The following QTMAN variants were observed in gnomAD, a reference collection of about 807,000 sequenced individuals.
The protein encoded by QTMAN is queuosine-tRNA mannosyltransferase, also known as tRNA-queuosine alpha-mannosyltransferase.
chr2:144,311,330 A>T, the QTMAN span, among the ~76,000 whole-genome samples: 2 of 152,250 alleles, frequency 1.3e-5, no homozygotes, highest in Non-Finnish European at 2.9e-5. Context: ...GTTTTAAATC[A>T]GGGAAAGTAA....
the QTMAN span, among the ~76,000 whole-genome samples, chr2:144,182,808 A>ATATTATATGTATAAT: frequency 1.9e-5 from 1 of 52,528 alleles, no homozygotes; most frequent in African/African-American, 8.0e-5. Context: ...TTATATATAT[A>ATATTATATGTATAAT]ATATATATAT....
chr2:144,301,921 T>C, the QTMAN span, among the ~76,000 whole-genome samples: 1 of 152,176 alleles, frequency 6.6e-6, no homozygotes, highest in African/African-American at 2.4e-5. Context: ...GCAGTAGGTA[T>C]AAATAAGTGG....
the QTMAN span, among the ~76,000 whole-genome samples, chr2:144,162,481 G>A: frequency 3.6e-4 from 55 of 152,196 alleles, no homozygotes; most frequent in Admixed American, 3.0e-3. Context: ...ATTATGCAGC[G>A]GACAGAACTG....
At chr2:144,166,178 C>T in the QTMAN span, among the ~76,000 whole-genome samples, 1 of 152,176 alleles carries the variant, frequency 6.6e-6, no homozygotes, top group Non-Finnish European at 1.5e-5. Flanking sequence ...ATATGGTATA[C>T]ACACCAGGTT....
chr2:144,327,928 G>A, the QTMAN span, among the ~76,000 whole-genome samples: 1 of 152,040 alleles, frequency 6.6e-6, no homozygotes, highest in African/African-American at 2.4e-5. Context: ...AGAAAAGACT[G>A]TGGAATTGCT....
the QTMAN span, among the ~76,000 whole-genome samples, chr2:144,055,338 C>CACAG: frequency 1.4e-5 from 2 of 146,676 alleles, no homozygotes; most frequent in Non-Finnish European, 3.0e-5. Context: ...CACACAGACA[C>CACAG]ACACACACAC....
At chr2:144,328,387 T>C in the QTMAN span, among the ~76,000 whole-genome samples, 2 of 152,248 alleles carry the variant, frequency 1.3e-5, no homozygotes, top group African/African-American at 4.8e-5. Context: ...CTATAACTAT[T>C]TTGAAATATT....
At chr2:144,287,688 C>T in the QTMAN span, among the ~76,000 whole-genome samples, 1 of 152,084 alleles carries the variant, frequency 6.6e-6, no homozygotes, top group South Asian at 2.1e-4. Context: ...TATTCAGGGT[C>T]ACACAGGATA....
the QTMAN span, among the ~76,000 whole-genome samples, chr2:144,280,886 T>C: frequency 6.6e-6 from 1 of 152,016 alleles, no homozygotes; most frequent in Admixed American, 6.6e-5. Context: ...ATGAAATTCA[T>C]GCCTATCAGA....
the QTMAN span, among the ~76,000 whole-genome samples, chr2:144,306,797 T>C: frequency 1.4e-4 from 22 of 152,140 alleles, no homozygotes; most frequent in African/African-American, 4.6e-4. Context: ...GAGTTTATCA[T>C]AAAAATGCAA....
the QTMAN span, among the ~76,000 whole-genome samples, chr2:144,091,672 C>CA: frequency 6.6e-6 from 1 of 152,082 alleles, no homozygotes; most frequent in South Asian, 2.1e-4. Context: ...CCCGCTATTC[C>CA]ACTCCTAGGT....
At chr2:144,113,931 TGGAGTAGTA>T in the QTMAN span, among the ~76,000 whole-genome samples, 2 of 152,190 alleles carry the variant, frequency 1.3e-5, no homozygotes, top group Non-Finnish European at 2.9e-5. Flanking sequence ...AACATCAATG[TGGAGTAGTA>T]TTTTCAAAGA....
the QTMAN span, among the ~76,000 whole-genome samples, chr2:144,040,374 T>C: frequency 6.6e-6 from 1 of 152,062 alleles, no homozygotes; most frequent in East Asian, 1.9e-4. Context: ...TGCTTGACTC[T>C]CTTAATTTAT....
chr2:143,965,058 TTC>T, the QTMAN span, among the ~76,000 whole-genome samples: 24 of 149,752 alleles, frequency 1.6e-4, no homozygotes, highest in Non-Finnish European at 2.7e-4. Flanking sequence ...TTTGTTCTTC[TTC>T]TTTTTTTTTT....
the QTMAN span, among the ~76,000 whole-genome samples, chr2:144,134,326 A>G: frequency 6.6e-5 from 10 of 152,280 alleles, no homozygotes; most frequent in Non-Finnish European, 1.5e-4. Context: ...TAGTTAGGCA[A>G]AGTCCACAAA....
At chr2:144,056,248 A>C in the QTMAN span, among the ~76,000 whole-genome samples, 8 of 152,246 alleles carry the variant, frequency 5.3e-5, no homozygotes, top group Non-Finnish European at 1.2e-4. Flanking sequence ...AATTTATGTG[A>C]AATGTCAAGA....
chr2:144,287,999 C>T, the QTMAN span, among the ~76,000 whole-genome samples: 1 of 152,010 alleles, frequency 6.6e-6, no homozygotes, highest in Non-Finnish European at 1.5e-5. Context: ...GGATTACAGG[C>T]GCACACCACC....
At chr2:144,268,126 T>C in the QTMAN span, among the ~76,000 whole-genome samples, 1 of 152,128 alleles carries the variant, frequency 6.6e-6, no homozygotes, top group Admixed American at 6.5e-5. Flanking sequence ...GCCATTCTCA[T>C]GGTAATGAGT....
the QTMAN span, among the ~76,000 whole-genome samples, chr2:144,151,496 A>G: frequency 4.0e-4 from 61 of 152,294 alleles, no homozygotes; most frequent in African/African-American, 1.3e-3. Context: ...AGCAAGAAGA[A>G]AAAAAATGAC....
Sources: gnomAD v4.1 joint callset for allele counts (sites outside exome capture counted in the v4.1 genomes callset) on GRCh38, gnomAD v4.1.1 for gene constraint, MANE v1.5 for transcripts, NCBI Gene and HGNC (gene_info 2026-07-23, HGNC 2026-07-21) for gene names.